UBE2O: variants seen among roughly 807,000 people sequenced by gnomAD.
UBE2O encodes ubiquitin conjugating enzyme E2 O.
UBE2O carries 15 observed loss-of-function variants against 125.8 expected under a neutral mutation model. The observed-to-expected ratio is 0.12, with a 90% confidence interval of 0.08 to 0.18. UBE2O has a LOEUF of 0.18. UBE2O is among the 10% of genes least tolerant of loss of function. The pLI is 1.00. For synonymous variants in UBE2O, 708 were observed against 703.2 expected, an observed-to-expected ratio of 1.01 and a Z score of -0.11; for missense variants, 1,280 against 1,723.6, an observed-to-expected ratio of 0.74 and a Z score of 4.56.
At chr17:76,438,366 A>C (rs1031175667) in intron 1 of UBE2O, among the ~76,000 whole-genome samples, 1 of 152,120 alleles carries the variant, frequency 6.6e-6, no homozygotes, top group Non-Finnish European at 1.5e-5. Flanking sequence ...ACAATTAAAA[A>C]AGAAAAACTT....
chr17:76,436,107 CATGGT>C (rs2072993275), intron 1 of UBE2O, among the ~76,000 whole-genome samples: 1 of 152,128 alleles, frequency 6.6e-6, no homozygotes, highest in Non-Finnish European at 1.5e-5. Context: ...ATTAGCCAGG[CATGGT>C]GGTGTGCACC....
chr17:76,437,985 T>G (rs892679942), intron 1 of UBE2O, among the ~76,000 whole-genome samples: 4 of 152,074 alleles, frequency 2.6e-5, no homozygotes, highest in Non-Finnish European at 5.9e-5. Context: ...GGCATCTAAT[T>G]TGCAATGTGT....
At position 76,405,645 on chromosome 17, in the gene UBE2O, T is replaced by C. The variant is rs2072403356; in HGVS notation, c.418-73A>G. On this transcript the variant is annotated intron_variant, in intron 1 of 17. Transcript: ENST00000319380. The surrounding 1 kb of genome is among the most constrained non-coding windows in gnomAD (Gnocchi z 6.1). ...CAGAATACAGTTTTCTTCCAGCTTCTGAAGGAAAGCGTCACATCCACACTG... is the reference window on the plus strand; with the variant it reads ...CAGAATACAGTTTTCTTCCAGCTTCCGAAGGAAAGCGTCACATCCACACTG... 1.5e-6 allele frequency: 2 copies of C among 1,361,668 alleles called. No homozygotes were observed. Among genetic ancestry groups the C allele is most frequent in the African/African-American group, 2.9e-5 (2 of 69,590 alleles). 84.3% of individuals were successfully genotyped at this position (1,361,668 alleles called of 1,614,324 possible). A position where few individuals can be genotyped will look rare whatever the true frequency, so the allele number is the denominator to read the frequency against.
intron 1 of UBE2O, among the ~76,000 whole-genome samples, chr17:76,426,143 C>T (rs1297780597): frequency 2.6e-5 from 4 of 152,210 alleles, no homozygotes; most frequent in Admixed American, 6.5e-5. Flanking sequence ...GCTGGGACTA[C>T]AGATGCACAA....
chr17:76,390,805 A>G lies in UBE2O; in HGVS notation c.*138T>C. On this transcript the variant is annotated 3_prime_UTR_variant, in exon 18 of 18. Transcript: ENST00000319380. ...ACACACTTCTTGCACTTCAGCATCAAACTCACCTTGGGGAGAAGAGGGCAG... is the reference window on the plus strand; with the variant it reads ...ACACACTTCTTGCACTTCAGCATCAGACTCACCTTGGGGAGAAGAGGGCAG... The G allele has an allele frequency of 7.0e-6, 6 of 857,694 alleles. 1 individual carries two copies. The South Asian group carries it at 1.1e-4, about 16-fold the overall frequency. 53.1% of individuals were successfully genotyped at this position (857,694 alleles called of 1,614,324 possible).
At chr17:76,409,225 C>T (rs1213348443) in intron 1 of UBE2O, among the ~76,000 whole-genome samples, 3 of 152,180 alleles carry the variant, frequency 2.0e-5, no homozygotes, top group Admixed American at 6.5e-5. Flanking sequence ...GCCTCGGCCT[C>T]CCAAAGTGCT....
chr17:76,439,393 C>CT (rs1325730445), intron 1 of UBE2O, among the ~76,000 whole-genome samples: 4 of 152,202 alleles, frequency 2.6e-5, no homozygotes, highest in African/African-American at 7.2e-5. Context: ...GAAACCCTTT[C>CT]AGGAGGTCCA....
chr17:76,406,458 T>C (rs1431195777), intron 1 of UBE2O, among the ~76,000 whole-genome samples: 1 of 151,742 alleles, frequency 6.6e-6, no homozygotes, highest in Non-Finnish European at 1.5e-5. Flanking sequence ...CACTCCTCCG[T>C]GGTGGCCTCT....
intron 5 of UBE2O, chr17:76,401,581 A>G (rs995712403): frequency 5.8e-6 from 1 of 171,606 alleles, no homozygotes; most frequent in Non-Finnish European, 1.2e-5. Context: ...AAAAATGCAA[A>G]TAAAAGTTCT....
At chr17:76,415,850 CAAAT>C (rs2072594840) in intron 1 of UBE2O, among the ~76,000 whole-genome samples, 2 of 146,370 alleles carry the variant, frequency 1.4e-5, no homozygotes, top group Admixed American at 1.4e-4. Context: ...TATGTATATA[CAAAT>C]ATATATACAT....
chr17:76,416,182 G>C (rs182080788), intron 1 of UBE2O, among the ~76,000 whole-genome samples: 1 of 151,382 alleles, frequency 6.6e-6, no homozygotes, highest in Middle Eastern at 3.2e-3. Context: ...GTGTGTGTGT[G>C]TATATGTATA....
Position 76,415,477 on chromosome 17 carries a change from A to C in UBE2O, c.418-9905T>G, listed in dbSNP as rs1223011246. ...CTGGTCTCCAAGCATGGCCCTTGCT[A>C]CACCTGGACCAATTGGAACCATGCT... On this transcript the variant is annotated intron_variant, in intron 1 of 17. Transcript: ENST00000319380. Among the ~76,000 whole-genome samples the C allele has an allele frequency of 2.6e-5, 4 of 152,080 alleles. No individual in the cohort carries two copies. The East Asian group carries it at 5.8e-4, about 22-fold the overall frequency.
rs911543469 is a variant in UBE2O at position 76,405,564 on chromosome 17, T to C, written c.426A>G (p.Leu142=). 1.9e-6 allele frequency: 3 copies of C among 1,592,968 alleles called. No individual in the cohort carries two copies. Among genetic ancestry groups the C allele is most frequent in the Non-Finnish European group, 2.6e-6 (3 of 1,171,440 alleles). The change falls in exon 2 of 18, where the codon CTA becomes CTG. Residue 142 remains leucine (L), a synonymous_variant. Transcript: ENST00000319380. The surrounding 1 kb of genome is among the most constrained non-coding windows in gnomAD (Gnocchi z 6.1). ...CTCGGGGCACCACAGAACGGTCCTC[T>C]AGTTTCAGCTGTAAAAGAAAATACA... is the stretch of plus-strand genomic sequence containing the variant. ...KQHVKETKLK[L]EDRSVVPRDV... is the part of the protein sequence containing the mutation.
intron 1 of UBE2O, among the ~76,000 whole-genome samples, chr17:76,442,401 G>A (rs1298200853): frequency 6.6e-6 from 1 of 152,200 alleles, no homozygotes; most frequent in Non-Finnish European, 1.5e-5. Flanking sequence ...CTAGTAAGGG[G>A]CCCATACAGC....
intron 1 of UBE2O, among the ~76,000 whole-genome samples, chr17:76,443,295 A>T (rs4422008): frequency 0.46 from 70,289 of 151,550 alleles, 17,487 homozygotes; most frequent in Non-Finnish European, 0.55. Context: ...ATATATATAT[A>T]TTTTTTTCCT....
intron 1 of UBE2O, among the ~76,000 whole-genome samples, chr17:76,411,963 G>A (rs926736875): frequency 1.3e-5 from 2 of 152,126 alleles, no homozygotes; most frequent in Non-Finnish European, 2.9e-5. Flanking sequence ...GATTACAGGC[G>A]TGAGCCACTG....
chr17:76,418,948 G>A (rs2072661790), intron 1 of UBE2O, among the ~76,000 whole-genome samples: 1 of 152,076 alleles, frequency 6.6e-6, no homozygotes, highest in East Asian at 1.9e-4. Context: ...AAATTTCTGG[G>A]TGGAGAGATT....
chr17:76,443,007 C>T (rs1185963489), intron 1 of UBE2O, among the ~76,000 whole-genome samples: 3 of 152,136 alleles, frequency 2.0e-5, no homozygotes, highest in Non-Finnish European at 4.4e-5. Flanking sequence ...CCCAAATGCT[C>T]TAATTTTGAG....
At chr17:76,426,232 C>A (rs779167923) in intron 1 of UBE2O, among the ~76,000 whole-genome samples, 15 of 152,130 alleles carry the variant, frequency 9.9e-5, no homozygotes, top group Non-Finnish European at 1.8e-4. Flanking sequence ...TCGAACGGGG[C>A]TCAAGCGATC....
Sources: gnomAD v4.1 joint callset for allele counts (sites outside exome capture counted in the v4.1 genomes callset) on GRCh38, gnomAD v4.1.1 for gene constraint, Gnocchi (gnomAD v3.1) non-coding constraint, MANE v1.5 for transcripts, NCBI Gene and HGNC (gene_info 2026-07-23, HGNC 2026-07-21) for gene names.